Variants in TNNI3 observed in about 807,000 individuals in gnomAD.
TNNI3 encodes troponin I, cardiac muscle.
Under a neutral mutation model 31.5 loss-of-function variants are expected in TNNI3, and 23 were observed. The observed-to-expected ratio is 0.73, with a 90% confidence interval of 0.52 to 1.03. The LOEUF is 1.03. Among genes scored for constraint, TNNI3 ranks in the 50% least tolerant of loss-of-function variants. The probability of loss-of-function intolerance (pLI) is 0.00; values close to 1 mark genes in which losing one functional copy is unlikely to be tolerated. For missense variants in TNNI3, 236 were observed against 282.9 expected, an observed-to-expected ratio of 0.83 and a Z score of 1.19; for synonymous variants, 120 against 111.7, an observed-to-expected ratio of 1.07 and a Z score of -0.47.
chr19:55,156,965 T>G lies in TNNI3; in HGVS notation c.108+85A>C. 3 of 1,420,130 alleles carry G rather than the reference T, an allele frequency of 2.1e-6. No individual in the cohort carries two copies. Among genetic ancestry groups the G allele is most frequent in the Non-Finnish European group, 2.9e-6 (3 of 1,041,046 alleles). The allele number at this position is 1,420,130 out of a possible 1,614,324, so 88.0% of individuals were successfully genotyped here. A position where few individuals can be genotyped will look rare whatever the true frequency, so the allele number is the denominator to read the frequency against. ...GCCCCTCCGCGTAGTCCCCGCCCCC[T>G]TCGCAGCCCTGGCTCCTCCCCCCAC... On this transcript the variant is annotated intron_variant, in intron 3 of 7. Transcript: ENST00000344887. This position sits in a 1 kb window ranked among gnomAD's most constrained non-coding sequence, Gnocchi z 4.6.
intron 6 of TNNI3, 47 bp downstream of exon 6, chr19:55,154,694 C>T: frequency 6.4e-7 from 1 of 1,552,446 alleles, no homozygotes; most frequent in Non-Finnish European, 8.9e-7. Flanking sequence ...CAAGTCCCAG[C>T]CATCTCACCC....
intron 7 of TNNI3, among the ~76,000 whole-genome samples, chr19:55,153,338 T>C (rs2085705204): frequency 6.6e-6 from 1 of 152,030 alleles, no homozygotes; most frequent in East Asian, 1.9e-4. Context: ...CATATAGGGT[T>C]CAGTACAATC....
chr19:55,157,492 G>A lies in TNNI3; in HGVS notation c.11+87C>T. 1 of 1,593,008 alleles carries A rather than the reference G, an allele frequency of 6.3e-7. No homozygotes were observed. Among genetic ancestry groups the A allele is most frequent in the South Asian group, 1.1e-5 (1 of 89,820 alleles). ...CAAGAGTCCCTACGCCTACCTCGCA[G>A]GCCAAGGGTCCAGCCTCTCAGCTGC... On this transcript the variant is annotated intron_variant, in intron 1 of 7. Coordinates refer to ENST00000344887, the MANE Select transcript of TNNI3 (RefSeq NM_000363.5). The surrounding 1 kb of genome is among the most constrained non-coding windows in gnomAD (Gnocchi z 6.3).
Position 55,154,206 on chromosome 19 carries a change from T to G in TNNI3, c.373A>C (p.Ile125Leu). 6.2e-7 allele frequency: 1 copy of G among 1,611,454 alleles called. No homozygotes were observed. Among genetic ancestry groups the G allele is most frequent in the Non-Finnish European group, 8.5e-7 (1 of 1,179,976 alleles). The change falls in exon 7 of 8, where the codon ATT (isoleucine) becomes CTT (leucine). Residue 125 changes from isoleucine (I) to leucine (L), a missense_variant and splice_region_variant. Transcript: ENST00000344887. ...AAGATCTTCTGAGTCAGATCTGCAA[T>G]CTGGGGGCACACGAGGGGGTGGGTA... ...EAKVTKNITE[I>L]ADLTQKIFDL...
Position 55,156,107 on chromosome 19 carries a change from C to A in TNNI3, c.282+94G>T. The A allele has an allele frequency of 6.3e-7, 1 of 1,589,366 alleles. No individual in the cohort carries two copies. On this transcript the variant is annotated intron_variant, in intron 5 of 7. Coordinates refer to ENST00000344887, the MANE Select transcript of TNNI3 (RefSeq NM_000363.5). This position sits in a 1 kb window ranked among gnomAD's most constrained non-coding sequence, Gnocchi z 4.6. ...CCATATATAATTGGGTAAGGACAGC[C>A]ATATTGGACGCCTGGGTCCCGAGCA... is the stretch of plus-strand genomic sequence containing the variant.
rs537678070 is a variant in TNNI3 at position 55,154,941 on chromosome 19, G to T, written c.283-111C>A. On this transcript the variant is annotated intron_variant, in intron 5 of 7. Coordinates refer to ENST00000344887, the MANE Select transcript of TNNI3 (RefSeq NM_000363.5). ...GGCCTGGACTCCTGGGTCTGAGGGA[G>T]GAGAAGGGGCTGGGGGCCTGGACTC... 3 of 910,412 alleles carry T rather than the reference G, an allele frequency of 3.3e-6. No homozygotes were observed. In the African/African-American group the frequency reaches 5.0e-5, roughly 15 times the overall value. The allele number at this position is 910,412 out of a possible 1,614,324, so 56.4% of individuals were successfully genotyped here.
intron 7 of TNNI3, among the ~76,000 whole-genome samples, chr19:55,153,008 C>T (rs773791447): frequency 1.8e-4 from 27 of 152,134 alleles, no homozygotes; most frequent in Non-Finnish European, 3.4e-4. Context: ...CTGTGTTGGC[C>T]AGGCTGGTCT....
chr19:55,156,940 G>T lies in TNNI3; in HGVS notation c.108+110C>A. The T allele has an allele frequency of 1.6e-6, 2 of 1,264,232 alleles. No individual in the cohort carries two copies. Among genetic ancestry groups the T allele is most frequent in the Non-Finnish European group, 2.2e-6 (2 of 899,518 alleles). The allele number at this position is 1,264,232 out of a possible 1,614,324, so 78.3% of individuals were successfully genotyped here. ...CCCTCTGCAAAACTCCGCCCCTGAA[G>T]CCCCTCCGCGTAGTCCCCGCCCCCT... On this transcript the variant is annotated intron_variant, in intron 3 of 7. Transcript: ENST00000344887. The surrounding 1 kb of genome is among the most constrained non-coding windows in gnomAD (Gnocchi z 4.6).
In TNNI3 at chr19:55,154,054, C is replaced by T. The variant is rs727503502; in HGVS notation, c.525G>A (p.Gln175=). Residue 175 remains glutamine, a synonymous_variant, in exon 7 of 8, where the codon CAG becomes CAA. Transcript: ENST00000344887. ...ESLDLRAHLK[Q]VKKEDTEKEN... is the part of the protein sequence containing the mutation. ...CCTTCTCGGTGTCCTCCTTCTTCAC[C>T]TGCTTGAGGTGGGCCCGCAGGTCCA... 1.2e-6 allele frequency: 2 copies of T among 1,612,532 alleles called. No individual in the cohort carries two copies. Among genetic ancestry groups the T allele is most frequent in the East Asian group, 2.2e-5 (1 of 44,854 alleles).
chr19:55,157,119 G>C lies in TNNI3; in HGVS notation c.39C>G (p.Arg13=), dbSNP rs397516346. ...GGCGTCTGATTGGGGCTGGTGCAGG[G>C]CGAGGTTCCCTAGCCTGGGTTAGGA... ...DGSSDAAREP[R]PAPAPIRRRS... is the part of the protein sequence containing the mutation. Residue 13 remains arginine (R), a synonymous_variant, in exon 3 of 8, where the codon CGC becomes CGG. Coordinates refer to ENST00000344887, the MANE Select transcript of TNNI3 (RefSeq NM_000363.5). The surrounding 1 kb of genome is among the most constrained non-coding windows in gnomAD (Gnocchi z 6.3). 102 of 1,602,042 alleles carry C rather than the reference G, an allele frequency of 6.4e-5. No individual in the cohort carries two copies. Among genetic ancestry groups the C allele is most frequent in the Non-Finnish European group, 8.6e-5 (101 of 1,176,158 alleles).
At chr19:55,153,691 G>A (rs2085707358) in intron 7 of TNNI3, among the ~76,000 whole-genome samples, 1 of 2,656 alleles carries the variant, frequency 3.8e-4, no homozygotes, top group Non-Finnish European at 1.5e-3. Context: ...AACCGAGATG[G>A]TGTCATTGCA....
chr19:55,156,730 A>T lies in TNNI3; in HGVS notation c.109-86T>A. 1 of 1,455,734 alleles carries T rather than the reference A, an allele frequency of 6.9e-7. No homozygotes were observed. Among genetic ancestry groups the T allele is most frequent in the Non-Finnish European group, 9.4e-7 (1 of 1,061,690 alleles). 90.2% of individuals were successfully genotyped at this position (1,455,734 alleles called of 1,614,324 possible). A position where few individuals can be genotyped will look rare whatever the true frequency, so the allele number is the denominator to read the frequency against. ...GGGGACCTCAAGACACCCCCAGCAA[A>T]CCCAGCCGGTCCAGATTTGGGCCCA... is the stretch of plus-strand genomic sequence containing the variant. On this transcript the variant is annotated intron_variant, in intron 3 of 7. Coordinates refer to ENST00000344887, the MANE Select transcript of TNNI3 (RefSeq NM_000363.5). This position sits in a 1 kb window ranked among gnomAD's most constrained non-coding sequence, Gnocchi z 4.6.
chr19:55,154,124 T>C lies in TNNI3; in HGVS notation c.455A>G (p.Asp152Gly), dbSNP rs2085712121. 1 of 1,613,214 alleles carries C rather than the reference T, an allele frequency of 6.2e-7. No individual in the cohort carries two copies. Among genetic ancestry groups the C allele is most frequent in the East Asian group, 2.2e-5 (1 of 44,880 alleles). ...PTLRRVRISADAMMQALLGAR... is the reference protein window; with the variant it reads ...PTLRRVRISAGAMMQALLGAR... Reference sequence around the variant, plus strand: ...CCCCAGCAGCGCCTGCATCATGGCATCTGCAGAGATCCTCACTCTCCGCAG... The same window carrying C: ...CCCCAGCAGCGCCTGCATCATGGCACCTGCAGAGATCCTCACTCTCCGCAG... Residue 152 changes from aspartate (D) to glycine (G), a missense_variant, in exon 7 of 8, where the codon GAT (aspartate) becomes GGT (glycine). Transcript: ENST00000344887.
Position 55,156,810 on chromosome 19 carries a change from C to T in TNNI3, c.109-166G>A. The T allele has an allele frequency of 1.1e-6, 1 of 873,908 alleles. No individual in the cohort carries two copies. The highest frequency in any genetic ancestry group is 1.8e-6 in the Non-Finnish European group (1 of 541,682). The allele number at this position is 873,908 out of a possible 1,614,324, so 54.1% of individuals were successfully genotyped here. On this transcript the variant is annotated intron_variant, in intron 3 of 7. Coordinates refer to ENST00000344887, the MANE Select transcript of TNNI3 (RefSeq NM_000363.5). The surrounding 1 kb of genome is among the most constrained non-coding windows in gnomAD (Gnocchi z 4.6). ...GGCCACGCCCCTCATTCCCATCCAC[C>T]AATCTGGGTCTCTTCCTTTGGATAG...
intron 7 of TNNI3, 79 bp downstream of exon 7, chr19:55,153,950 TC>T: frequency 6.5e-7 from 1 of 1,540,960 alleles, no homozygotes; most frequent in Non-Finnish European, 8.9e-7. Context: ...CCAAGCACCA[TC>T]TGCCCTCAGG....
At chr19:55,154,334 G>A (rs1018321167) in intron 6 of TNNI3, 128 bp from the exon 7 acceptor site, 59 of 985,898 alleles carry the variant, frequency 6.0e-5, no homozygotes, top group African/African-American at 1.8e-4. Context: ...GTCTCTTCCC[G>A]GCTTAGGCTC....
rs767007279 is a variant in TNNI3, at chr19:55,152,012, A to T, written c.550-95T>A. 50 of 1,099,062 alleles carry T rather than the reference A, an allele frequency of 4.5e-5. No individual in the cohort carries two copies. The highest frequency in any genetic ancestry group is 6.3e-5 in the Non-Finnish European group (46 of 726,824). The allele number at this position is 1,099,062 out of a possible 1,614,324, so 68.1% of individuals were successfully genotyped here. A position where few individuals can be genotyped will look rare whatever the true frequency, so the allele number is the denominator to read the frequency against. On this transcript the variant is annotated intron_variant, in intron 7 of 7. Transcript: ENST00000344887. This position sits in a 1 kb window ranked among gnomAD's most constrained non-coding sequence, Gnocchi z 4.0. ...TCCCTCCAGCCTGTGGGGCCACTCT[A>T]CCCTGGATGCCTAAGTATCTAGTTC...
intron 7 of TNNI3, among the ~76,000 whole-genome samples, chr19:55,153,780 A>G (rs1258694731): frequency 6.6e-6 from 1 of 152,288 alleles, no homozygotes; most frequent in African/African-American, 2.4e-5. Flanking sequence ...TTAAACCTCA[A>G]AGATTACAGG....
In TNNI3 at chr19:55,156,497, G is replaced by A. The variant is rs1273264602; in HGVS notation, c.150+106C>T. The A allele has an allele frequency of 1.4e-5, 21 of 1,513,560 alleles. No homozygotes were observed. The Admixed American group carries it at 1.6e-4, about 11-fold the overall frequency. The allele number at this position is 1,513,560 out of a possible 1,614,324, so 93.8% of individuals were successfully genotyped here. A position where few individuals can be genotyped will look rare whatever the true frequency, so the allele number is the denominator to read the frequency against. ...CCCCGCTAAAGCCACGCCCCGAGCGGCCAAACCCCGCCCACTTCCGCCCAC... is the reference window on the plus strand; with the variant it reads ...CCCCGCTAAAGCCACGCCCCGAGCGACCAAACCCCGCCCACTTCCGCCCAC... On this transcript the variant is annotated intron_variant, in intron 4 of 7. Transcript: ENST00000344887. This position sits in a 1 kb window ranked among gnomAD's most constrained non-coding sequence, Gnocchi z 4.6.
Sources: gnomAD v4.1 joint callset for allele counts (sites outside exome capture counted in the v4.1 genomes callset) on GRCh38, gnomAD v4.1.1 for gene constraint, Gnocchi (gnomAD v3.1) non-coding constraint, MANE v1.5 for transcripts, NCBI Gene and HGNC (gene_info 2026-07-23, HGNC 2026-07-21) for gene names.